CEP63: variants seen among roughly 807,000 people sequenced by gnomAD.
CEP63 encodes the protein centrosomal protein of 63 kDa.
A neutral mutation model predicts 89.1 loss-of-function variants in CEP63; 84 were observed. The observed-to-expected ratio is 0.94, with a 90% CI of 0.79 to 1.13. CEP63 has a LOEUF of 1.13. CEP63 is among the 50% of genes most tolerant of loss of function. CEP63 has a pLI of 0.00. For synonymous variants in CEP63, 267 were observed against 272.5 expected (o/e 0.98, Z 0.20); for missense variants, 838 against 813.3 (o/e 1.03, Z -0.37).
At chr3:134,584,959 T>TTTTTTTTTTTTTTTG (rs1958449090) in intron 10 of CEP63, among the ~76,000 whole-genome samples, 2 of 75,284 alleles carry the variant, frequency 2.7e-5, no homozygotes, top group Non-Finnish European at 5.5e-5. Flanking sequence ...TTCTAGGGTT[T>TTTTTTTTTTTTTTTG]TTTTTTTTTT....
At chr3:134,672,420 T>C in the CEP63 span, among the ~76,000 whole-genome samples, 1 of 152,220 alleles carries the variant, frequency 6.6e-6, no homozygotes, top group African/African-American at 2.4e-5. Context: ...CTAGCTTAGA[T>C]TCAGTGATAT....
At chr3:134,677,744 A>T in the CEP63 span, among the ~76,000 whole-genome samples, 1 of 151,876 alleles carries the variant, frequency 6.6e-6, no homozygotes, top group Admixed American at 6.6e-5. Context: ...CTTGCCTGAG[A>T]TTCAGATTAG....
At chr3:134,529,630 C>T (rs1256924163) in intron 3 of CEP63, among the ~76,000 whole-genome samples, 5 of 151,538 alleles carry the variant, frequency 3.3e-5, no homozygotes, top group African/African-American at 1.2e-4. Flanking sequence ...TGTGAGCCAC[C>T]GCACCCGGCC....
At chr3:134,663,668 C>T in the CEP63 span, among the ~76,000 whole-genome samples, 1 of 152,190 alleles carries the variant, frequency 6.6e-6, no homozygotes, top group Non-Finnish European at 1.5e-5. Context: ...AGTCCTGGTG[C>T]TGGGTCCAGT....
chr3:134,673,932 C>A, the CEP63 span, among the ~76,000 whole-genome samples: 1 of 152,180 alleles, frequency 6.6e-6, no homozygotes, highest in Non-Finnish European at 1.5e-5. Flanking sequence ...TATTTGGGGG[C>A]CCACCATCTC....
chr3:134,578,338 T>TTGTTTG (rs371732591), downstream of CEP63, among the ~76,000 whole-genome samples: 81,038 of 137,806 alleles, frequency 0.59, 23,998 homozygotes, highest in East Asian at 0.8. Flanking sequence ...TTTTTTTTTT[T>TTGTTTG]TTTTTTTTTG....
intron 9 of CEP63, among the ~76,000 whole-genome samples, chr3:134,547,829 G>C (rs1282378308): frequency 6.6e-6 from 1 of 151,848 alleles, no homozygotes; most frequent in Non-Finnish European, 1.5e-5. Flanking sequence ...GGCTGGTCTT[G>C]AACTCCTGAC....
the CEP63 span, among the ~76,000 whole-genome samples, chr3:134,702,386 CAA>C: frequency 3.1e-5 from 4 of 130,864 alleles, no homozygotes; most frequent in Admixed American, 7.7e-5. Context: ...TATGTGGAAC[CAA>C]AAAAAAAAAA....
At chr3:134,544,878 T>TA (rs1952889789) in intron 6 of CEP63, among the ~76,000 whole-genome samples, 1 of 152,276 alleles carries the variant, frequency 6.6e-6, no homozygotes, top group Non-Finnish European at 1.5e-5. Flanking sequence ...GACAGGTTCT[T>TA]ACTTTGTCAC....
At chr3:134,647,011 C>T in the CEP63 span, among the ~76,000 whole-genome samples, 1 of 152,296 alleles carries the variant, frequency 6.6e-6, no homozygotes, top group Middle Eastern at 3.4e-3. Flanking sequence ...CAGCAGGGAG[C>T]TATAGAACCC....
At chr3:134,541,485 A>T (rs1292444499) in intron 6 of CEP63, among the ~76,000 whole-genome samples, 2 of 151,564 alleles carry the variant, frequency 1.3e-5, no homozygotes, top group African/African-American at 4.8e-5. Context: ...TTCATATGGA[A>T]TGATAAATGA....
the CEP63 span, chr3:134,625,180 G>A: frequency 1.2e-5 from 18 of 1,493,826 alleles, no homozygotes; most frequent in South Asian, 1.9e-4. Context: ...ACCCACTGAA[G>A]AGGGCTGCCT....
At chr3:134,755,408 G>A in the CEP63 span, among the ~76,000 whole-genome samples, 1 of 152,182 alleles carries the variant, frequency 6.6e-6, no homozygotes, top group Non-Finnish European at 1.5e-5. Flanking sequence ...TCTCCAGGGG[G>A]CTCAGCTGGA....
the CEP63 span, among the ~76,000 whole-genome samples, chr3:134,597,011 G>T: frequency 6.6e-6 from 1 of 152,176 alleles, no homozygotes; most frequent in Admixed American, 6.5e-5. Flanking sequence ...CACGCTGGTG[G>T]GAGGTACATG....
the CEP63 span, among the ~76,000 whole-genome samples, chr3:134,611,907 A>G: frequency 6.6e-6 from 1 of 152,242 alleles, no homozygotes; most frequent in Non-Finnish European, 1.5e-5. Context: ...GTAATTTAAA[A>G]TTAGCAAAAT....
At chr3:134,738,246 TCATACA>T in the CEP63 span, among the ~76,000 whole-genome samples, 1 of 55,914 alleles carries the variant, frequency 1.8e-5, no homozygotes, top group South Asian at 8.2e-4. Flanking sequence ...TAGTATTCCA[TCATACA>T]CACACACACA....
At chr3:134,486,425 C>T (rs952950618) in intron 1 of CEP63, 27 of 985,380 alleles carry the variant, frequency 2.7e-5, no homozygotes, top group Middle Eastern at 5.2e-4. Context: ...CCCAGTCCCT[C>T]GGCCTGGCCC....
At chr3:134,752,391 A>G in the CEP63 span, among the ~76,000 whole-genome samples, 2 of 152,118 alleles carry the variant, frequency 1.3e-5, no homozygotes, top group Non-Finnish European at 2.9e-5. Flanking sequence ...TGCATGATAC[A>G]TGACTGACCT....
chr3:134,638,740 A>G, the CEP63 span, among the ~76,000 whole-genome samples: 1 of 152,160 alleles, frequency 6.6e-6, no homozygotes, highest in African/African-American at 2.4e-5. Context: ...GGTTTCTTCC[A>G]CCTGACAGCT....
Sources: gnomAD v4.1 joint callset for allele counts (sites outside exome capture counted in the v4.1 genomes callset) on GRCh38, gnomAD v4.1.1 for gene constraint, MANE v1.5 for transcripts, NCBI Gene and HGNC (gene_info 2026-07-23, HGNC 2026-07-21) for gene names.